UBE2N: variants seen among roughly 807,000 people sequenced by gnomAD.
UBE2N encodes the protein ubiquitin-conjugating enzyme E2 N.
For missense variants in UBE2N, 60 were observed against 192.1 expected, an observed-to-expected ratio of 0.31 and a Z score of 4.07; for synonymous variants, 70 against 69.2, an observed-to-expected ratio of 1.01 and a Z score of -0.06.
At position 93,408,585 on chromosome 12, in the gene UBE2N, A is replaced by G. The variant is rs2121049692; in HGVS notation, c.*1454T>C. 6.6e-6 allele frequency: 1 copy of G among 152,366 alleles called. No individual in the cohort carries two copies. Among genetic ancestry groups the G allele is most frequent in the South Asian group, 2.1e-4 (1 of 4,828 alleles). 9.4% of individuals were successfully genotyped at this position (152,366 alleles called of 1,614,324 possible). On this transcript the variant is annotated 3_prime_UTR_variant, in exon 4 of 4. Coordinates refer to ENST00000318066, the MANE Select transcript of UBE2N (RefSeq NM_003348.4). ...TGACTGGCTACATTTATGACTTAAA[A>G]ATAACAAGAATCAGGAATTAGATAT...
intron 1 of UBE2N, among the ~76,000 whole-genome samples, chr12:93,422,334 T>TA (rs1372369962): frequency 6.6e-6 from 1 of 152,182 alleles, no homozygotes; most frequent in Non-Finnish European, 1.5e-5. Flanking sequence ...AAAATAAAAA[T>TA]AAGACTTTAG....
rs140684111 is a variant in UBE2N, at chr12:93,406,537, G to C, written c.*3502C>G. The C allele has an allele frequency of 6.6e-6, 1 of 152,258 alleles. No individual in the cohort carries two copies. Among genetic ancestry groups the C allele is most frequent in the Non-Finnish European group, 1.5e-5 (1 of 68,076 alleles). The allele number at this position is 152,258 out of a possible 1,614,324, so 9.4% of individuals were successfully genotyped here. A position where few individuals can be genotyped will look rare whatever the true frequency, so the allele number is the denominator to read the frequency against. On this transcript the variant is annotated 3_prime_UTR_variant, in exon 4 of 4. Coordinates refer to ENST00000318066, the MANE Select transcript of UBE2N (RefSeq NM_003348.4). The stretch of plus-strand genomic sequence containing the variant: ...CAAGTACATTCTTGGTCTAGAGTAA[G>C]GTTCTATATAGTTGGCCCTCCATAT...
At chr12:93,431,366 TA>T (rs1318442274) in intron 1 of UBE2N, among the ~76,000 whole-genome samples, 2 of 152,196 alleles carry the variant, frequency 1.3e-5, no homozygotes, top group Non-Finnish European at 2.9e-5. Context: ...CACTGCCAGT[TA>T]TTATCTAGGA....
At chr12:93,416,934 C>A (rs1419350729) in intron 1 of UBE2N, among the ~76,000 whole-genome samples, 2 of 150,310 alleles carry the variant, frequency 1.3e-5, no homozygotes, top group African/African-American at 4.9e-5. Flanking sequence ...AACAGAATAA[C>A]CCTTAAATGA....
intron 1 of UBE2N, among the ~76,000 whole-genome samples, chr12:93,435,955 G>T (rs556676145): frequency 3.3e-5 from 5 of 152,164 alleles, no homozygotes; most frequent in Admixed American, 1.3e-4. Flanking sequence ...GGGACCAGTG[G>T]GGAAGGGAGA....
chr12:93,428,359 T>C (rs1381554725), intron 1 of UBE2N, among the ~76,000 whole-genome samples: 13 of 152,228 alleles, frequency 8.5e-5, no homozygotes, highest in Admixed American at 8.5e-4. Context: ...CAGTCTTAGT[T>C]CAAATATCTC....
chr12:93,416,913 G>C (rs1252256499), intron 1 of UBE2N, among the ~76,000 whole-genome samples: 1 of 148,156 alleles, frequency 6.7e-6, no homozygotes, highest in Admixed American at 6.7e-5. Context: ...GGCCATAGTT[G>C]TTTACAGAAA....
At chr12:93,417,812 A>G (rs1565793198) in intron 1 of UBE2N, among the ~76,000 whole-genome samples, 1 of 152,202 alleles carries the variant, frequency 6.6e-6, no homozygotes, top group Non-Finnish European at 1.5e-5. Flanking sequence ...AGGGTTCTGG[A>G]CAAAGTTGTG....
At chr12:93,418,115 C>G (rs886866486) in intron 1 of UBE2N, among the ~76,000 whole-genome samples, 5 of 151,834 alleles carry the variant, frequency 3.3e-5, no homozygotes, top group Admixed American at 6.5e-5. Flanking sequence ...AGACGTGAGC[C>G]ACCACACTTG....
At position 93,407,109 on chromosome 12, in the gene UBE2N, A is replaced by C. The variant is rs1389408600; in HGVS notation, c.*2930T>G. 1.3e-5 allele frequency: 2 copies of C among 152,248 alleles called. No homozygotes were observed. Among genetic ancestry groups the C allele is most frequent in the Non-Finnish European group, 2.9e-5 (2 of 68,152 alleles). 9.4% of individuals were successfully genotyped at this position (152,248 alleles called of 1,614,324 possible). A position where few individuals can be genotyped will look rare whatever the true frequency, so the allele number is the denominator to read the frequency against. On this transcript the variant is annotated 3_prime_UTR_variant, in exon 4 of 4. Transcript: ENST00000318066. ...GTGATCCTCCTGCCTTGGCCTCCTA[A>C]AGTGCTGGGATTACAGGCATGAGCC...
intron 1 of UBE2N, among the ~76,000 whole-genome samples, chr12:93,423,187 G>A (rs1878471677): frequency 6.6e-6 from 1 of 152,212 alleles, no homozygotes; most frequent in African/African-American, 2.4e-5. Context: ...AAATCATCGT[G>A]ATGTGATTCT....
intron 1 of UBE2N, among the ~76,000 whole-genome samples, chr12:93,431,740 T>G (rs1474400101): frequency 6.6e-6 from 1 of 152,214 alleles, no homozygotes; most frequent in Non-Finnish European, 1.5e-5. Context: ...TGATGCCAAC[T>G]CTTTGAACAC....
At chr12:93,439,977 T>C (rs1268696913) in intron 1 of UBE2N, among the ~76,000 whole-genome samples, 1 of 152,236 alleles carries the variant, frequency 6.6e-6, no homozygotes, top group Admixed American at 6.5e-5. Context: ...CTTCAACTTA[T>C]TGCCTTAAAC....
intron 1 of UBE2N, among the ~76,000 whole-genome samples, chr12:93,421,997 G>A (rs942869907): frequency 1.3e-5 from 2 of 152,118 alleles, no homozygotes; most frequent in Non-Finnish European, 2.9e-5. Context: ...TATATGAAGA[G>A]CAGAACCAGA....
At chr12:93,412,204 C>A (rs1436585123) in intron 1 of UBE2N, among the ~76,000 whole-genome samples, 2 of 152,254 alleles carry the variant, frequency 1.3e-5, no homozygotes, top group African/African-American at 4.8e-5. Flanking sequence ...TTCTCCCTCT[C>A]CCCTAAATAA....
intron 1 of UBE2N, among the ~76,000 whole-genome samples, chr12:93,440,951 G>A (rs531771593): frequency 6.6e-6 from 1 of 152,154 alleles, no homozygotes; most frequent in East Asian, 1.9e-4. Context: ...CCCCCACAGA[G>A]GCCAAGGTAG....
chr12:93,424,955 T>A (rs1878534189), intron 1 of UBE2N, among the ~76,000 whole-genome samples: 1 of 152,230 alleles, frequency 6.6e-6, no homozygotes, highest in South Asian at 2.1e-4. Flanking sequence ...ATGAACTTTG[T>A]TTCGTTTATG....
In UBE2N at chr12:93,406,328, A is replaced by C. The variant is rs1325928398; in HGVS notation, c.*3711T>G. 1.3e-5 allele frequency: 2 copies of C among 150,988 alleles called. No individual in the cohort carries two copies. The highest frequency in any genetic ancestry group is 6.7e-5 in the Admixed American group (1 of 15,024). The allele number at this position is 150,988 out of a possible 1,614,324, so 9.4% of individuals were successfully genotyped here. ...AAAGGTTCCTGAACCATTCAACAGA[A>C]AAATGAGGCCTATTCCTATCATTTC... On this transcript the variant is annotated 3_prime_UTR_variant, in exon 4 of 4. Coordinates refer to ENST00000318066, the MANE Select transcript of UBE2N (RefSeq NM_003348.4).
chr12:93,410,683 T>C, intron 3 of UBE2N, 51 bp downstream of exon 3: 1 of 1,607,432 alleles, frequency 6.2e-7, no homozygotes, highest in Non-Finnish European at 8.5e-7. Flanking sequence ...TAAGTGGTAA[T>C]ACAAATTTGT....
Sources: allele counts gnomAD v4.1 joint callset (sites outside exome capture counted in the v4.1 genomes callset), GRCh38; gene constraint gnomAD v4.1.1; transcripts MANE v1.5; gene names NCBI Gene and HGNC (gene_info 2026-07-23, HGNC 2026-07-21).